TATDN3: variants seen among roughly 807,000 people sequenced by gnomAD.
The protein encoded by TATDN3 is TatD DNase domain containing 3, also known as deoxyribonuclease TATDN3.
In TATDN3, 29 loss-of-function variants were observed where a neutral mutation model predicts 40.1. The ratio of observed to expected loss-of-function variants is 0.72; its 90% CI spans 0.54 to 0.99. The LOEUF is 0.99. Among genes scored for constraint, TATDN3 ranks in the 50% least tolerant of loss-of-function variants. The probability of loss-of-function intolerance (pLI) is 0.00; values close to 1 mark genes in which losing one functional copy is unlikely to be tolerated. For synonymous variants in TATDN3, 105 were observed against 117.0 expected (o/e 0.90, Z 0.66); for missense variants, 309 against 321.9 (o/e 0.96, Z 0.31).
chr1:212,809,774 A>G (rs1662754163), intron 8 of TATDN3, among the ~76,000 whole-genome samples: 1 of 152,106 alleles, frequency 6.6e-6, no homozygotes, highest in South Asian at 2.1e-4. Context: ...CTGTAATCCC[A>G]GCACTTTCGG....
At position 212,792,003 on chromosome 1, in the gene TATDN3, A is replaced by G. The variant is rs201732884; in HGVS notation, c.66+16A>G. On this transcript the variant is annotated intron_variant, in intron 1 of 9. Coordinates refer to ENST00000366974, the MANE Select transcript of TATDN3 (RefSeq NM_001042552.3). ...CTTTGACCGCGTATGTGAGGGCGAT[A>G]CGGGACCAGAGGGAGCAGGGAGGCC... The G allele has an allele frequency of 3.2e-5, 51 of 1,613,542 alleles. No homozygotes were observed. Among genetic ancestry groups the G allele is most frequent in the Non-Finnish European group, 4.2e-5 (49 of 1,179,662 alleles).
intron 5 of TATDN3, among the ~76,000 whole-genome samples, chr1:212,803,007 G>C (rs1362597704): frequency 6.6e-6 from 1 of 151,870 alleles, no homozygotes; most frequent in Non-Finnish European, 1.5e-5. Context: ...TAAATACTTT[G>C]CTTTTTTTTT....
intron 3 of TATDN3, 154 bp downstream of exon 3, chr1:212,796,744 T>C (rs1019375116): frequency 3.7e-5 from 21 of 560,934 alleles, no homozygotes; most frequent in Non-Finnish European, 5.9e-5. Context: ...TATTCCTTTT[T>C]TTTTTCTTTG....
intron 3 of TATDN3, 54 bp downstream of exon 3, chr1:212,796,644 C>G (rs1661783869): frequency 1.1e-5 from 14 of 1,254,530 alleles, no homozygotes; most frequent in African/African-American, 1.5e-5. Flanking sequence ...ACAGTTATGA[C>G]ATCCAGTTTA....
chr1:212,805,237 C>T (rs1051451707), intron 7 of TATDN3, among the ~76,000 whole-genome samples: 2 of 150,324 alleles, frequency 1.3e-5, no homozygotes, highest in African/African-American at 4.9e-5. Flanking sequence ...GCTGAGATTA[C>T]AGGATGAGCC....
intron 7 of TATDN3, among the ~76,000 whole-genome samples, chr1:212,807,492 A>T (rs536631608): frequency 1.3e-5 from 2 of 152,172 alleles, no homozygotes; most frequent in South Asian, 4.2e-4. Context: ...GGCTCAAGTG[A>T]TCTGCCTGCC....
At chr1:212,811,886 A>G (rs1304837339) in intron 8 of TATDN3, among the ~76,000 whole-genome samples, 1 of 151,986 alleles carries the variant, frequency 6.6e-6, no homozygotes, top group Non-Finnish European at 1.5e-5. Flanking sequence ...TATTTTCAGT[A>G]GAGATGGGGT....
rs1662825009 is a variant in TATDN3, at chr1:212,810,691, A to G, written c.601-1557A>G. The stretch of plus-strand genomic sequence containing the variant: ...GACAGAGCCAGACTGTGTCTCAAAA[A>G]CAAACAAAACCCTTAGATTTATAAA... On this transcript the variant is annotated intron_variant, in intron 8 of 9. Transcript: ENST00000366974. Among the ~76,000 whole-genome samples, 3 of 152,054 alleles carry G rather than the reference A, an allele frequency of 2.0e-5. No individual in the cohort carries two copies. In the South Asian group the frequency reaches 6.2e-4, roughly 32 times the overall value.
chr1:212,797,287 C>A, intron 4 of TATDN3, 91 bp downstream of exon 4: 1 of 937,946 alleles, frequency 1.1e-6, no homozygotes, highest in Non-Finnish European at 1.6e-6. Flanking sequence ...TTTATATTCT[C>A]AGGAAATAAT....
At chr1:212,804,766 G>T (rs1428194742) in intron 7 of TATDN3, 115 bp downstream of exon 7, 3 of 841,904 alleles carry the variant, frequency 3.6e-6, no homozygotes, top group South Asian at 1.7e-5. Context: ...GGGGCAAGAA[G>T]GGGGGCAGAA....
chr1:212,797,164 C>T lies in TATDN3; in HGVS notation c.226C>T (p.Pro76Ser), dbSNP rs868130556. 1 of 1,614,032 alleles carries T rather than the reference C, an allele frequency of 6.2e-7. No individual in the cohort carries two copies. Among genetic ancestry groups the T allele is most frequent in the Non-Finnish European group, 8.5e-7 (1 of 1,179,990 alleles). ...GGGTGTTCATCCAGTTCAAGGACTT[C>T]CACCAGAAGACCAAAGAAGTGTCAC... ...CLGVHPVQGL[P>S]PEDQRSVTLK... Residue 76 changes from proline (P) to serine (S), a missense_variant, in exon 4 of 10, where the codon CCA becomes TCA. Coordinates refer to ENST00000366974, the MANE Select transcript of TATDN3 (RefSeq NM_001042552.3).
chr1:212,804,625 C>T lies in TATDN3; in HGVS notation c.461C>T (p.Pro154Leu). The change falls in exon 7 of 10, where the codon CCT (proline) becomes CTT (leucine). Residue 154 changes from proline (P) to leucine (L), a missense_variant. Physicochemically the swap from Pro to Leu is moderately conservative, Grantham distance 98. Transcript: ENST00000366974. Reference sequence around the variant, plus strand: ...GTGCACTCACGCTCTGCTGGAAGACCTACCATCAACCTTTTACAAGAGCAA... The same window carrying T: ...GTGCACTCACGCTCTGCTGGAAGACTTACCATCAACCTTTTACAAGAGCAA... The part of the protein sequence containing the change: ...VNVHSRSAGR[P>L]TINLLQEQGA... The T allele has an allele frequency of 6.2e-7, 1 of 1,613,656 alleles. No homozygotes were observed.
intron 7 of TATDN3, among the ~76,000 whole-genome samples, chr1:212,806,200 T>C (rs188906171): frequency 1.3e-5 from 2 of 152,316 alleles, no homozygotes; most frequent in South Asian, 2.1e-4. Context: ...CTATTGAGTT[T>C]GTGTCACTTA....
intron 8 of TATDN3, among the ~76,000 whole-genome samples, chr1:212,810,602 T>C (rs1360074007): frequency 2.0e-5 from 3 of 150,758 alleles, no homozygotes; most frequent in Non-Finnish European, 4.4e-5. Context: ...TGGGAGGATG[T>C]CTTCAGCCCA....
rs546927971 is a variant in TATDN3 at position 212,798,048 on chromosome 1, T to C, written c.258+852T>C. On this transcript the variant is annotated intron_variant, in intron 4 of 9. Coordinates refer to ENST00000366974, the MANE Select transcript of TATDN3 (RefSeq NM_001042552.3). ...CCATTTAAAAAATAATAATGTAGGC[T>C]GGACACAGTGGCTCGTGCCTGTAAT... Among the ~76,000 whole-genome samples the C allele has an allele frequency of 1.4e-4, 21 of 152,218 alleles. No homozygotes were observed. The South Asian group carries it at 2.1e-3, about 15-fold the overall frequency.
intron 9 of TATDN3, among the ~76,000 whole-genome samples, chr1:212,814,672 G>A (rs1428347426): frequency 6.6e-6 from 1 of 152,194 alleles, no homozygotes; most frequent in Admixed American, 6.6e-5. Flanking sequence ...CAGCAGAGCA[G>A]TGACCTTTTA....
At chr1:212,792,508 G>T (rs1304979739) in intron 1 of TATDN3, among the ~76,000 whole-genome samples, 1 of 147,936 alleles carries the variant, frequency 6.8e-6, no homozygotes. Context: ...TGTGGCGTTT[G>T]CCTGTGGTCC....
rs1427255920 is a variant in TATDN3 at position 212,791,961 on chromosome 1, C to T, written c.40C>T (p.His14Tyr). 1.9e-6 allele frequency: 3 copies of T among 1,613,940 alleles called. No homozygotes were observed. The highest frequency in any genetic ancestry group is 2.7e-5 in the African/African-American group (2 of 74,918). ...CGTAGGCTTGGTGGACTGTCACTGC[C>T]ACCTCTCCGCCCCGGACTTTGACCG... Reference protein sequence around the residue: ...AGVGLVDCHCHLSAPDFDRDL... With the variant: ...AGVGLVDCHCYLSAPDFDRDL... Residue 14 changes from histidine (H) to tyrosine (Y), a missense_variant, in exon 1 of 10, where the codon CAC becomes TAC. His to Tyr is a moderately conservative substitution (Grantham distance 83, BLOSUM62 2). Coordinates refer to ENST00000366974, the MANE Select transcript of TATDN3 (RefSeq NM_001042552.3).
At chr1:212,805,983 T>A (rs1662440950) in intron 7 of TATDN3, among the ~76,000 whole-genome samples, 1 of 152,206 alleles carries the variant, frequency 6.6e-6, no homozygotes, top group Non-Finnish European at 1.5e-5. Context: ...CTAAACTAAG[T>A]TGGTTTCATA....
Sources: allele counts gnomAD v4.1 joint callset (sites outside exome capture counted in the v4.1 genomes callset), GRCh38; gene constraint gnomAD v4.1.1; transcripts MANE v1.5; gene names NCBI Gene and HGNC (gene_info 2026-07-23, HGNC 2026-07-21).